SPOCK1: variants seen among roughly 807,000 people sequenced by gnomAD.
SPOCK1 encodes testican-1.
SPOCK1 carries 23 observed loss-of-function variants against 55.3 expected under a neutral mutation model. That is an observed-to-expected ratio of 0.42 (90% CI 0.30 to 0.59). SPOCK1 has a LOEUF of 0.59. SPOCK1 is among the 20% of genes least tolerant of loss of function. SPOCK1 has a pLI of 0.22. For missense variants in SPOCK1, 499 were observed against 552.5 expected, an observed-to-expected ratio of 0.90 and a Z score of 0.97; for synonymous variants, 226 against 221.0, an observed-to-expected ratio of 1.02 and a Z score of -0.20.
chr5:137,277,378 C>T (rs190956127), intron 2 of SPOCK1, among the ~76,000 whole-genome samples: 8 of 152,288 alleles, frequency 5.3e-5, no homozygotes, highest in African/African-American at 1.7e-4. Flanking sequence ...GATAAAATTA[C>T]TATACAAGTT....
intron 2 of SPOCK1, among the ~76,000 whole-genome samples, chr5:137,354,623 G>A (rs919869169): frequency 3.3e-5 from 5 of 152,148 alleles, no homozygotes; most frequent in African/African-American, 1.2e-4. Flanking sequence ...AGAACAGACT[G>A]TCTAATCAAT....
intron 2 of SPOCK1, among the ~76,000 whole-genome samples, chr5:137,449,092 T>C (rs574427644): frequency 5.4e-4 from 82 of 152,376 alleles, no homozygotes; most frequent in African/African-American, 1.9e-3. Context: ...AGGAAGGAGA[T>C]GCTTGGCTTC....
chr5:137,365,378 CT>C (rs1314542027), intron 2 of SPOCK1: 3 of 152,208 alleles, frequency 2.0e-5, no homozygotes, highest in Admixed American at 1.3e-4. Flanking sequence ...TTTCTCAAGC[CT>C]TTCTAATTGA....
At chr5:137,435,012 G>A (rs546624343) in intron 2 of SPOCK1, among the ~76,000 whole-genome samples, 1 of 152,142 alleles carries the variant, frequency 6.6e-6, no homozygotes, top group Non-Finnish European at 1.5e-5. Flanking sequence ...AACCACATAT[G>A]ATCACAATTA....
intron 3 of SPOCK1, among the ~76,000 whole-genome samples, chr5:137,175,662 A>G (rs1217139106): frequency 6.6e-6 from 1 of 152,186 alleles, no homozygotes; most frequent in Non-Finnish European, 1.5e-5. Context: ...TTATCTTTGA[A>G]GTAGAAAAAT....
At chr5:137,142,679 C>G (rs536386148) in intron 3 of SPOCK1, among the ~76,000 whole-genome samples, 1 of 152,254 alleles carries the variant, frequency 6.6e-6, no homozygotes, top group African/African-American at 2.4e-5. Flanking sequence ...AAGCTGAAGG[C>G]AACCTCTGCA....
chr5:137,127,276 G>A (rs1349661989), intron 4 of SPOCK1, among the ~76,000 whole-genome samples: 1 of 152,226 alleles, frequency 6.6e-6, no homozygotes, highest in African/African-American at 2.4e-5. Context: ...TGAGTACTAT[G>A]AGGCCACCAC....
intron 2 of SPOCK1, among the ~76,000 whole-genome samples, chr5:137,406,182 C>T (rs1752094800): frequency 6.6e-6 from 1 of 152,208 alleles, no homozygotes; most frequent in South Asian, 2.1e-4. Flanking sequence ...GCCAGGCATC[C>T]AGACAGGGGC....
intron 2 of SPOCK1, among the ~76,000 whole-genome samples, chr5:137,363,017 G>A (rs1403675824): frequency 6.6e-6 from 1 of 152,174 alleles, no homozygotes. Context: ...TTTTTCATGA[G>A]GTTATTCAGC....
chr5:137,266,345 C>T (rs149286547), intron 3 of SPOCK1, among the ~76,000 whole-genome samples: 18 of 152,156 alleles, frequency 1.2e-4, no homozygotes, highest in East Asian at 5.8e-4. Flanking sequence ...CATGGAACAA[C>T]GGGGGAAGGG....
intron 3 of SPOCK1, among the ~76,000 whole-genome samples, chr5:137,253,591 T>G (rs942213170): frequency 6.6e-6 from 1 of 152,184 alleles, no homozygotes; most frequent in Admixed American, 6.5e-5. Flanking sequence ...CAGTGTTCAA[T>G]TTCCCCGACA....
In SPOCK1 at chr5:137,421,219, A is replaced by G. The variant is rs189272800; in HGVS notation, c.186+77154T>C. 1.2e-4 allele frequency among the ~76,000 whole-genome samples: 18 copies of G among 152,288 alleles called. No individual in the cohort carries two copies. In the East Asian group the frequency reaches 3.3e-3, roughly 28 times the overall value. The stretch of plus-strand genomic sequence containing the variant: ...GCTGAGGAGTGTTTTACTTCCAACT[A>G]TGTGGTCAATTTTGAAGTAAGTGTG... On this transcript the variant is annotated intron_variant, in intron 2 of 10. Coordinates refer to ENST00000394945, the MANE Select transcript of SPOCK1 (RefSeq NM_004598.4).
intron 6 of SPOCK1, among the ~76,000 whole-genome samples, chr5:137,021,411 G>A (rs1157435923): frequency 6.6e-6 from 1 of 152,176 alleles, no homozygotes; most frequent in Non-Finnish European, 1.5e-5. Flanking sequence ...TAGTTAGCAC[G>A]AAATAAGGAG....
intron 3 of SPOCK1, among the ~76,000 whole-genome samples, chr5:137,210,403 C>G (rs947670075): frequency 6.6e-6 from 1 of 152,170 alleles, no homozygotes; most frequent in African/African-American, 2.4e-5. Context: ...AATATCACAT[C>G]TTAGTCTTTG....
chr5:137,291,839 C>T (rs1239575202), intron 2 of SPOCK1, among the ~76,000 whole-genome samples: 1 of 152,208 alleles, frequency 6.6e-6, no homozygotes, highest in Non-Finnish European at 1.5e-5. Context: ...TGAGCTCACA[C>T]TCCTTGCCAC....
At position 137,232,291 on chromosome 5, in the gene SPOCK1, G is replaced by GT. The variant is rs559335815; in HGVS notation, c.232+34718dup. On this transcript the variant is annotated intron_variant, in intron 3 of 10. Transcript: ENST00000394945. ...GGCCTAAATCCTGAAGATTTTTAAT[G>GT]TTTTTTTCCTAAAAGTTGTATAGTT... Among the ~76,000 whole-genome samples the GT allele has an allele frequency of 7.4e-3, 1,132 of 152,156 alleles. 16 individuals carry two copies. The highest frequency in any genetic ancestry group is 0.025 in the African/African-American group (1,052 of 41,506).
At chr5:136,999,573 T>C (rs890968203) in intron 6 of SPOCK1, among the ~76,000 whole-genome samples, 1 of 152,118 alleles carries the variant, frequency 6.6e-6, no homozygotes, top group Non-Finnish European at 1.5e-5. Flanking sequence ...AGCTCATTGA[T>C]GACTTCAAGG....
intron 2 of SPOCK1, among the ~76,000 whole-genome samples, chr5:137,323,151 T>C (rs1399146298): frequency 6.6e-6 from 1 of 152,200 alleles, no homozygotes; most frequent in Non-Finnish European, 1.5e-5. Flanking sequence ...ATTCAAGCCA[T>C]AGCAAAAAGT....
At chr5:137,112,290 T>G (rs1430330147) in intron 5 of SPOCK1, 145 bp downstream of exon 5, 2 of 1,006,216 alleles carry the variant, frequency 2.0e-6, no homozygotes, top group Non-Finnish European at 2.9e-6. Flanking sequence ...CCAGAGAACA[T>G]CTCTGAGTCT....
Sources: allele counts gnomAD v4.1 joint callset (sites outside exome capture counted in the v4.1 genomes callset), GRCh38; gene constraint gnomAD v4.1.1; transcripts MANE v1.5; gene names NCBI Gene and HGNC (gene_info 2026-07-23, HGNC 2026-07-21).